Variants in ANO8 observed in about 807,000 individuals in gnomAD.
ANO8 encodes anoctamin 8.
ANO8 carries 67 observed loss-of-function variants against 120.4 expected under a neutral mutation model. The ratio of observed to expected loss-of-function variants is 0.56; its 90% CI spans 0.46 to 0.68. The LOEUF is 0.68. Ranked by LOEUF, ANO8 falls within the 30% of genes least tolerant of loss-of-function variation. The probability of loss-of-function intolerance (pLI) is 0.00; values close to 1 mark genes in which losing one functional copy is unlikely to be tolerated. For missense variants in ANO8, 1,526 were observed against 1,737.6 expected (o/e 0.88, Z 2.16); for synonymous variants, 727 against 759.2 (o/e 0.96, Z 0.70).
At chr19:17,327,091 C>T (rs956446602) in intron 16 of ANO8, 144 bp downstream of exon 16, 1 of 778,404 alleles carries the variant, frequency 1.3e-6, no homozygotes. Context: ...TGAGCCACTG[C>T]ACCCAGCCAG....
chr19:17,324,622 C>A, intron 17 of ANO8, 95 bp downstream of exon 17: 1 of 1,494,658 alleles, frequency 6.7e-7, no homozygotes, highest in Non-Finnish European at 8.9e-7. Flanking sequence ...ACCGGGCTTC[C>A]CCTGTCCCCT....
At position 17,323,678 on chromosome 19, in the gene ANO8, C is replaced by T. The variant is rs866221063; in HGVS notation, c.3538G>A (p.Gly1180Arg). The T allele has an allele frequency of 4.4e-6, 5 of 1,144,602 alleles. No homozygotes were observed. Among genetic ancestry groups the T allele is most frequent in the Non-Finnish European group, 5.3e-6 (5 of 934,624 alleles). The allele number at this position is 1,144,602 out of a possible 1,614,324, so 70.9% of individuals were successfully genotyped here. A position where few individuals can be genotyped will look rare whatever the true frequency, so the allele number is the denominator to read the frequency against. ...AAECPPCAMAGPPPAPQPLPG... is the reference protein window; with the variant it reads ...AAECPPCAMARPPPAPQPLPG... Reference sequence around the variant, plus strand: ...AGGGGCTGGGGGGCGGGTGGGGGCCCGGCCATGGCACAGGGTGGGCACTCG... The same window carrying T: ...AGGGGCTGGGGGGCGGGTGGGGGCCTGGCCATGGCACAGGGTGGGCACTCG... Residue 1180 changes from glycine to arginine, a missense_variant, in exon 18 of 18, where the codon GGG becomes AGG. Physicochemically the swap from Gly to Arg is moderately radical, Grantham distance 125. Around this residue, in one of 8 missense-constraint regions of ANO8, gnomAD observed 489 missense variants for 548.6 expected, o/e 0.89. Coordinates refer to ENST00000159087, the MANE Select transcript of ANO8 (RefSeq NM_020959.3).
Position 17,330,385 on chromosome 19 carries a change from G to A in ANO8, c.1113C>T (p.Val371=), listed in dbSNP as rs1246429082. The A allele has an allele frequency of 3.8e-6, 6 of 1,591,378 alleles. No individual in the cohort carries two copies. Among genetic ancestry groups the A allele is most frequent in the Non-Finnish European group, 5.1e-6 (6 of 1,168,886 alleles). The part of the protein sequence containing the change: ...LPLCLACLVC[V]FLLMLGCFQL... ...GGAAGCAGCCAAGCATGAGCAAGAA[G>A]ACACAGACGAGGCACGCCAGGCACA... is the stretch of plus-strand genomic sequence containing the variant. The change falls in exon 9 of 18, where the codon GTC becomes GTT. Residue 371 remains valine (V), a synonymous_variant. Transcript: ENST00000159087.
Position 17,328,453 on chromosome 19 carries a change from C to T in ANO8, c.1935G>A (p.Val645=), listed in dbSNP as rs1295367146. Residue 645 remains valine (V), a synonymous_variant, in exon 13 of 18, where the codon GTG becomes GTA. Transcript: ENST00000159087. ...ACACTCCCGGCTCCAGCCCCTTCTC[C>T]ACCATAGTGGGGCTCCCTTCCTCCA... ...ALLEEGSPTM[V]EKGLEPGVFT... 6.3e-7 allele frequency: 1 copy of T among 1,576,732 alleles called. No individual in the cohort carries two copies. Among genetic ancestry groups the T allele is most frequent in the Non-Finnish European group, 8.6e-7 (1 of 1,166,634 alleles).
rs2074332255 is a variant in ANO8, at chr19:17,333,173, G to A, written c.417C>T (p.Thr139=). Residue 139 remains threonine, a synonymous_variant, in exon 4 of 18, where the codon ACC becomes ACT. Coordinates refer to ENST00000159087, the MANE Select transcript of ANO8 (RefSeq NM_020959.3). The surrounding 1 kb of genome is among the most constrained non-coding windows in gnomAD (Gnocchi z 7.2). The part of the protein sequence containing the change: ...KAVKAEFGGG[T]RGFSCEEDFI... ...AGTCCTCCTCGCAGGAGAAGCCGCG[G>A]GTGCCCCCGCCAAACTCGGCCTTCA... The A allele has an allele frequency of 1.2e-6, 2 of 1,610,336 alleles. No individual in the cohort carries two copies. Among genetic ancestry groups the A allele is most frequent in the African/African-American group, 1.3e-5 (1 of 74,866 alleles).
intron 16 of ANO8, among the ~76,000 whole-genome samples, chr19:17,326,089 C>T (rs1421800808): frequency 1.3e-5 from 2 of 152,236 alleles, no homozygotes; most frequent in African/African-American, 4.8e-5. Context: ...AGAAAACAAA[C>T]ATTCACTGGC....
In ANO8 at chr19:17,330,494, C is replaced by G; in HGVS notation, c.1004G>C (p.Arg335Pro). 1 of 1,528,880 alleles carries G rather than the reference C, an allele frequency of 6.5e-7. No individual in the cohort carries two copies. Among genetic ancestry groups the G allele is most frequent in the South Asian group, 1.3e-5 (1 of 79,324 alleles). The allele number at this position is 1,528,880 out of a possible 1,614,324, so 94.7% of individuals were successfully genotyped here. ...CTCGGCCCGCGTGATGGGGCTGATA[C>G]GTCGCACGCCCTGATGGTGGGCAAA... ...EPRPQFRGVR[R>P]ISPITRAEEF... Residue 335 changes from arginine (R) to proline (P), a missense_variant, in exon 9 of 18, where the codon CGT (arginine) becomes CCT (proline). By Grantham distance (103) the Arg-to-Pro change is moderately radical. Transcript: ENST00000159087.
Position 17,330,028 on chromosome 19 carries a change from G to A in ANO8, c.1274-14C>T, listed in dbSNP as rs372708722. 10 of 1,613,788 alleles carry A rather than the reference G, an allele frequency of 6.2e-6. No homozygotes were observed. The African/African-American group carries it at 1.1e-4, about 17-fold the overall frequency. On this transcript the variant is annotated splice_polypyrimidine_tract_variant and intron_variant, in intron 10 of 17. Coordinates refer to ENST00000159087, the MANE Select transcript of ANO8 (RefSeq NM_020959.3). ...GCCGGTAATTTTCTAGGGGCCAAGG[G>A]GGGGAGTGAGGGGGCAGCCGCGGTC...
At chr19:17,324,026 G>C in intron 17 of ANO8, 142 bp from the exon 18 acceptor site, 1 of 944,296 alleles carries the variant, frequency 1.1e-6, no homozygotes, top group Non-Finnish European at 1.3e-6. Context: ...AGGTGGGGCG[G>C]CCCCCTGGGC....
At chr19:17,329,403 C>T in intron 12 of ANO8, 1 of 392,814 alleles carries the variant, frequency 2.5e-6, no homozygotes, top group Non-Finnish European at 4.6e-6. Flanking sequence ...TCGCCACCTG[C>T]CCGTACTTTG....
At position 17,325,214 on chromosome 19, in the gene ANO8, T is replaced by G; in HGVS notation, c.2834A>C (p.Lys945Thr). 6.2e-7 allele frequency: 1 copy of G among 1,612,210 alleles called. No individual in the cohort carries two copies. Among genetic ancestry groups the G allele is most frequent in the Non-Finnish European group, 8.5e-7 (1 of 1,179,774 alleles). The change falls in exon 17 of 18, where the codon AAG becomes ACG. Residue 945 changes from lysine to threonine, a missense_variant. Around this residue, in one of 8 missense-constraint regions of ANO8, gnomAD observed 489 missense variants for 548.6 expected, o/e 0.89. Coordinates refer to ENST00000159087, the MANE Select transcript of ANO8 (RefSeq NM_020959.3). ...GCTGCCCTTGGCCTTGGCAGAGGCC[T>G]TCTCGGAGGAGGTGGCAGGGTCCAG... Reference protein sequence around the residue: ...SGLDPATSSEKASAKAKGSTA... With the variant: ...SGLDPATSSETASAKAKGSTA...
At chr19:17,326,152 G>C (rs962848070) in intron 16 of ANO8, among the ~76,000 whole-genome samples, 1 of 152,186 alleles carries the variant, frequency 6.6e-6, no homozygotes, top group Non-Finnish European at 1.5e-5. Flanking sequence ...AATTGGTAAA[G>C]TGGAAACCAA....
intron 5 of ANO8, among the ~76,000 whole-genome samples, chr19:17,332,575 C>G (rs2074327192): frequency 6.6e-6 from 1 of 152,156 alleles, no homozygotes; most frequent in Non-Finnish European, 1.5e-5. Context: ...CACTTTATCC[C>G]AAACCCAGAA....
rs1246525832 is a variant in ANO8 at position 17,327,453 on chromosome 19, C to T, written c.2535G>A (p.Ser845=). The change falls in exon 15 of 18, where the codon TCG becomes TCA. Residue 845 remains serine (S), a synonymous_variant. Transcript: ENST00000159087. ...PWLSPEAAIV[S]VVVLEHFALL... ...CCGGCCCCACCTCGAGCACTACCACCGACACGATGGCTGCCTCCGGGCTCA... is the reference window on the plus strand; with the variant it reads ...CCGGCCCCACCTCGAGCACTACCACTGACACGATGGCTGCCTCCGGGCTCA... 3.7e-6 allele frequency: 6 copies of T among 1,611,262 alleles called. No individual in the cohort carries two copies. Among genetic ancestry groups the T allele is most frequent in the East Asian group, 4.5e-5 (2 of 44,804 alleles).
Position 17,330,853 on chromosome 19 carries a change from A to G in ANO8, c.968T>C (p.Val323Ala). 1.2e-6 allele frequency: 2 copies of G among 1,613,994 alleles called. No individual in the cohort carries two copies. Among genetic ancestry groups the G allele is most frequent in the Non-Finnish European group, 1.7e-6 (2 of 1,179,982 alleles). ...CCTGAACTGGGGGCGTGGCTCCTCC[A>G]CGGCTTCCCCAGGTGAGTCCAGCGT... ...WGTLDSPGEA[V>A]EEPRPQFRGV... Residue 323 changes from valine (V) to alanine (A), a missense_variant, in exon 8 of 18, where the codon GTG (valine) becomes GCG (alanine). Val to Ala is a moderately conservative substitution (Grantham distance 64). Around this residue, in one of 8 missense-constraint regions of ANO8, gnomAD observed 322 missense variants for 431.8 expected, o/e 0.75. Transcript: ENST00000159087.
Position 17,328,349 on chromosome 19 carries a change from C to A in ANO8, c.2039G>T (p.Arg680Leu), listed in dbSNP as rs548557928. The A allele has an allele frequency of 2.5e-6, 4 of 1,577,144 alleles. No individual in the cohort carries two copies. Among genetic ancestry groups the A allele is most frequent in the East Asian group, 2.3e-5 (1 of 43,366 alleles). ...PEREPPAILF[R>L]RAGGEGRDQG... is the part of the protein sequence containing the mutation. The stretch of plus-strand genomic sequence containing the variant: ...GTCTCGGCCCTCGCCCCCGGCCCGG[C>A]GGAACAAGATGGCCGGGGGCTCCCG... The change falls in exon 13 of 18, where the codon CGC (arginine) becomes CTC (leucine). Residue 680 changes from arginine (R) to leucine (L), a missense_variant. Arg to Leu is a moderately radical substitution (Grantham distance 102). This residue lies in a region of ANO8 where 467 missense variants were observed against 425.8 expected (regional missense o/e 1.10). Coordinates refer to ENST00000159087, the MANE Select transcript of ANO8 (RefSeq NM_020959.3).
chr19:17,329,492 G>T (rs769034972), intron 12 of ANO8: 9 of 536,352 alleles, frequency 1.7e-5, no homozygotes, highest in Non-Finnish European at 2.7e-5. Context: ...GACCAGCACC[G>T]CCTGCAGCTG....
rs2074306152 is a variant in ANO8 at position 17,330,144 on chromosome 19, G to A, written c.1254C>T (p.Ala418=). Residue 418 remains alanine, a synonymous_variant, in exon 10 of 18, where the codon GCC becomes GCT. Transcript: ENST00000159087. ...TCGTACCCATGTCATTGAGCCAGATGGCTAGCTTCTTGTAGCCCTCGGCAC... is the reference window on the plus strand; with the variant it reads ...TCGTACCCATGTCATTGAGCCAGATAGCTAGCTTCTTGTAGCCCTCGGCAC... ...SVSAEGYKKL[A]IWLNDMENYR... 3 of 1,614,058 alleles carry A rather than the reference G, an allele frequency of 1.9e-6. No homozygotes were observed. Among genetic ancestry groups the A allele is most frequent in the South Asian group, 2.2e-5 (2 of 91,084 alleles).
In ANO8 at chr19:17,333,093, G is replaced by A; in HGVS notation, c.489+8C>T. 12 of 1,613,732 alleles carry A rather than the reference G, an allele frequency of 7.4e-6. No individual in the cohort carries two copies. The highest frequency in any genetic ancestry group is 2.7e-5 in the African/African-American group (2 of 75,072). On this transcript the variant is annotated splice_region_variant and intron_variant, in intron 4 of 17. Transcript: ENST00000159087. This position sits in a 1 kb window ranked among gnomAD's most constrained non-coding sequence, Gnocchi z 7.2. ...AGGATGCATGCGGGGGCCCAGAGCC[G>A]GCCTCACCTGGGAGGTGAAGAAGCG... is the stretch of plus-strand genomic sequence containing the variant.
Sources: gnomAD v4.1 joint callset for allele counts (sites outside exome capture counted in the v4.1 genomes callset) on GRCh38, gnomAD v4.1.1 for gene constraint, gnomAD v4.1.1 regional missense constraint, Gnocchi (gnomAD v3.1) non-coding constraint, MANE v1.5 for transcripts, NCBI Gene and HGNC (gene_info 2026-07-23, HGNC 2026-07-21) for gene names.